The following MYO18B variants were observed in gnomAD, a reference collection of about 807,000 sequenced individuals.
The protein encoded by MYO18B is unconventional myosin-XVIIIb.
MYO18B carries 204 observed loss-of-function variants against 273.0 expected under a neutral mutation model. That is an observed-to-expected ratio of 0.75 (90% CI 0.67 to 0.84). The LOEUF (loss-of-function observed/expected upper bound fraction) is 0.84. Ranked by LOEUF, MYO18B falls within the 40% of genes least tolerant of loss-of-function variation. MYO18B has a pLI of 0.00. For synonymous variants in MYO18B, 1,330 were observed against 1,305.7 expected (o/e 1.02, Z -0.40); for missense variants, 3,212 against 3,287.6 (o/e 0.98, Z 0.56).
chr22:25,887,439 C>A (rs2091533830), intron 25 of MYO18B, among the ~76,000 whole-genome samples: 1 of 152,104 alleles, frequency 6.6e-6, no homozygotes, highest in Non-Finnish European at 1.5e-5. Context: ...TTATTAATTC[C>A]TGTCCCCTTC....
chr22:25,851,326 G>T, intron 20 of MYO18B, 144 bp from the exon 21 acceptor site: 1 of 616,956 alleles, frequency 1.6e-6, no homozygotes, highest in Non-Finnish European at 2.9e-6. Context: ...AGAAACTAAG[G>T]TCCCAAGAGA....
intron 3 of MYO18B, among the ~76,000 whole-genome samples, chr22:25,766,304 A>G (rs937557113): frequency 3.3e-5 from 5 of 152,122 alleles, no homozygotes; most frequent in African/African-American, 1.2e-4. Context: ...GGAGGATTAA[A>G]TAGGAGATTG....
intron 33 of MYO18B, among the ~76,000 whole-genome samples, chr22:25,914,686 C>CTTTTTTGTTTTTTTTTTTTTTTTT (rs2092227792): frequency 2.0e-5 from 1 of 50,824 alleles, no homozygotes; most frequent in Non-Finnish European, 3.4e-5. Flanking sequence ...AGTTTTGACT[C>CTTTTTTGTTTTTTTTTTTTTTTTT]TTTTTTTTTT....
chr22:26,038,456 C>T, the MYO18B span, among the ~76,000 whole-genome samples: 4 of 152,136 alleles, frequency 2.6e-5, no homozygotes, highest in Non-Finnish European at 5.9e-5. Flanking sequence ...TATCATAACT[C>T]CTGGAATCTC....
At chr22:26,054,610 C>T in the MYO18B span, among the ~76,000 whole-genome samples, 39 of 152,286 alleles carry the variant, frequency 2.6e-4, no homozygotes, top group South Asian at 2.5e-3. Context: ...CTGTATGTTC[C>T]TTGAGAGGAA....
At chr22:25,784,680 C>A (rs112271204) in intron 10 of MYO18B, among the ~76,000 whole-genome samples, 5 of 152,318 alleles carry the variant, frequency 3.3e-5, no homozygotes, top group African/African-American at 1.2e-4. Context: ...CTGGGCTCTA[C>A]AATGCTTTTG....
chr22:25,903,722 A>C lies in MYO18B; in HGVS notation c.5039A>C (p.Glu1680Ala). The C allele has an allele frequency of 6.2e-7, 1 of 1,607,912 alleles. No individual in the cohort carries two copies. The highest frequency in any genetic ancestry group is 8.5e-7 in the Non-Finnish European group (1 of 1,177,186). The change falls in exon 31 of 44, where the codon GAA (glutamate) becomes GCA (alanine). Residue 1680 changes from glutamate (E) to alanine (A), a missense_variant. Transcript: ENST00000335473. The stretch of plus-strand genomic sequence containing the variant: ...CTGCTGGGGTCACCCTCTCTGGGGG[A>C]AAATTGCGTTGCTGGCTTGAAGGAG... ...RELLGSPSLG[E>A]NCVAGLKERL...
At chr22:25,908,266 G>A (rs2092086806) in intron 31 of MYO18B, 56 bp from the exon 32 acceptor site, 6 of 1,353,678 alleles carry the variant, frequency 4.4e-6, no homozygotes, top group Non-Finnish European at 6.2e-6. Context: ...ATGACATGGA[G>A]GGCTTGGAGA....
At chr22:25,994,017 T>C (rs1932966076) in intron 40 of MYO18B, among the ~76,000 whole-genome samples, 1 of 152,226 alleles carries the variant, frequency 6.6e-6, no homozygotes, top group Admixed American at 6.5e-5. Flanking sequence ...ATGTAAGTTA[T>C]GTACTCCATA....
At chr22:25,754,228 G>A (rs1371543185) in intron 1 of MYO18B, among the ~76,000 whole-genome samples, 1 of 152,204 alleles carries the variant, frequency 6.6e-6, no homozygotes. Context: ...AGGTGACGAT[G>A]TGAGCCATGC....
chr22:25,926,153 C>T (rs1037280062), intron 34 of MYO18B, among the ~76,000 whole-genome samples: 44 of 151,160 alleles, frequency 2.9e-4, no homozygotes, highest in African/African-American at 7.5e-4. Context: ...TGCAGTGAGC[C>T]GAGATTGTGC....
chr22:25,853,697 G>A (rs1019664426), intron 21 of MYO18B, among the ~76,000 whole-genome samples: 4 of 152,124 alleles, frequency 2.6e-5, no homozygotes, highest in African/African-American at 7.2e-5. Flanking sequence ...GTAGCATATG[G>A]AAGTGTTTCT....
chr22:25,781,882 GGCAC>G, intron 10 of MYO18B, 48 bp downstream of exon 10: 1 of 1,297,968 alleles, frequency 7.7e-7, no homozygotes, highest in Non-Finnish European at 1.0e-6. Flanking sequence ...TGCGACAAAG[GGCAC>G]ATGTTCTTTG....
At chr22:25,878,095 T>G in intron 25 of MYO18B, 47 bp downstream of exon 25, 2 of 1,421,220 alleles carry the variant, frequency 1.4e-6, no homozygotes. Context: ...TCTTTATGTA[T>G]GTGAGATCTG....
At chr22:25,750,497 A>G (rs543932359) in intron 1 of MYO18B, among the ~76,000 whole-genome samples, 2 of 152,228 alleles carry the variant, frequency 1.3e-5, no homozygotes, top group South Asian at 4.2e-4. Context: ...TATGACCATC[A>G]CAGAAACCAG....
At chr22:26,022,010 A>C (rs1220750502) in intron 42 of MYO18B, among the ~76,000 whole-genome samples, 1 of 152,188 alleles carries the variant, frequency 6.6e-6, no homozygotes, top group Non-Finnish European at 1.5e-5. Context: ...GTATACCAGA[A>C]GGATATTCCT....
At position 25,890,763 on chromosome 22, in the gene MYO18B, A is replaced by G. The variant is rs188687136; in HGVS notation, c.4322A>G (p.Asp1441Gly). 19 of 1,613,862 alleles carry G rather than the reference A, an allele frequency of 1.2e-5. No individual in the cohort carries two copies. In the East Asian group the frequency reaches 3.3e-4, roughly 28 times the overall value. ...CCCCATTCCCCATCTCAGATTGCTGACTTGACCTCTGACCTTGCCGATGAG... is the reference window on the plus strand; with the variant it reads ...CCCCATTCCCCATCTCAGATTGCTGGCTTGACCTCTGACCTTGCCGATGAG... ...NTDLLESKIA[D>G]LTSDLADERF... Residue 1441 changes from aspartate (D) to glycine (G), a missense_variant, in exon 26 of 44, where the codon GAC becomes GGC. Coordinates refer to ENST00000335473, the MANE Select transcript of MYO18B (RefSeq NM_032608.7).
the MYO18B span, among the ~76,000 whole-genome samples, chr22:26,053,153 C>A: frequency 6.6e-6 from 1 of 152,130 alleles, no homozygotes; most frequent in East Asian, 1.9e-4. Flanking sequence ...CCTTTTAGTG[C>A]CTTTTGGCTG....
At chr22:26,017,448 C>T (rs192915434) in intron 42 of MYO18B, among the ~76,000 whole-genome samples, 5 of 151,928 alleles carry the variant, frequency 3.3e-5, no homozygotes, top group African/African-American at 1.2e-4. Context: ...GACAACATCA[C>T]AACAGCTCTC....
Sources: gnomAD v4.1 joint callset for allele counts (sites outside exome capture counted in the v4.1 genomes callset) on GRCh38, gnomAD v4.1.1 for gene constraint, MANE v1.5 for transcripts, NCBI Gene and HGNC (gene_info 2026-07-23, HGNC 2026-07-21) for gene names.